The following CDYL2 variants were observed in gnomAD, a reference collection of about 807,000 sequenced individuals.
CDYL2 encodes chromodomain Y like 2, also known as chromodomain Y-like protein 2.
In CDYL2, 23 loss-of-function variants were observed where a neutral mutation model predicts 49.4. That is an observed-to-expected ratio of 0.47 (90% CI 0.34 to 0.66). The LOEUF (loss-of-function observed/expected upper bound fraction) is 0.66. Among genes scored for constraint, CDYL2 ranks in the 30% least tolerant of loss-of-function variants. The pLI is 0.01. For synonymous variants in CDYL2, 360 were observed against 268.8 expected, an observed-to-expected ratio of 1.34 and a Z score of -3.32; for missense variants, 678 against 656.4, an observed-to-expected ratio of 1.03 and a Z score of -0.36.
At chr16:80,678,214 G>A (rs1359691474) in intron 2 of CDYL2, among the ~76,000 whole-genome samples, 3 of 152,348 alleles carry the variant, frequency 2.0e-5, no homozygotes, top group Non-Finnish European at 2.9e-5. Context: ...AGGCCTTCAT[G>A]TCTAAAACAC....
intron 1 of CDYL2, among the ~76,000 whole-genome samples, chr16:80,786,064 A>G (rs8053366): frequency 0.024 from 3,608 of 152,310 alleles, 113 homozygotes; most frequent in African/African-American, 0.072. Flanking sequence ...CAAAGACTTC[A>G]TGTCTAAAAC....
intron 2 of CDYL2, among the ~76,000 whole-genome samples, chr16:80,671,475 T>G (rs923796385): frequency 1.4e-4 from 22 of 152,206 alleles, no homozygotes; most frequent in African/African-American, 4.8e-4. Flanking sequence ...CGCCCAAGTC[T>G]TTCCCTAAGC....
chr16:80,636,293 T>G (rs532701851), intron 2 of CDYL2, among the ~76,000 whole-genome samples: 1 of 152,186 alleles, frequency 6.6e-6, no homozygotes, highest in Admixed American at 6.5e-5. Context: ...GGGAGAAAAT[T>G]TTTGCTATCT....
chr16:80,625,446 T>C (rs1409669599), intron 3 of CDYL2, among the ~76,000 whole-genome samples: 1 of 152,240 alleles, frequency 6.6e-6, no homozygotes, highest in Admixed American at 6.5e-5. Context: ...CTCTCTATTT[T>C]AAGGTCAGCT....
intron 1 of CDYL2, among the ~76,000 whole-genome samples, chr16:80,770,355 A>G (rs1219166925): frequency 1.3e-5 from 2 of 152,206 alleles, no homozygotes; most frequent in Non-Finnish European, 2.9e-5. Flanking sequence ...ACCAGAAGGA[A>G]TTATTCATTT....
chr16:80,710,414 A>G (rs1904556018), intron 1 of CDYL2, among the ~76,000 whole-genome samples: 1 of 152,206 alleles, frequency 6.6e-6, no homozygotes. Flanking sequence ...ATTCGACAGA[A>G]TTTACTCTAA....
chr16:80,768,541 C>T (rs1331894867), intron 1 of CDYL2, among the ~76,000 whole-genome samples: 5 of 152,226 alleles, frequency 3.3e-5, no homozygotes, highest in Non-Finnish European at 4.4e-5. Flanking sequence ...AACAGTGCTT[C>T]TAGCTATGTC....
chr16:80,803,802 T>G (rs945232182), intron 1 of CDYL2, among the ~76,000 whole-genome samples: 83 of 140,966 alleles, frequency 5.9e-4, no homozygotes, highest in African/African-American at 2.0e-3. Context: ...TCGAGGCGGC[T>G]CGTCGGGCGA....
intron 1 of CDYL2, among the ~76,000 whole-genome samples, chr16:80,690,013 C>A (rs898204090): frequency 1.4e-4 from 21 of 151,716 alleles, no homozygotes; most frequent in Non-Finnish European, 1.5e-5. Flanking sequence ...CCCAGCTACT[C>A]CAGAGGCTGA....
At chr16:80,752,937 C>A (rs1045164501) in intron 1 of CDYL2, among the ~76,000 whole-genome samples, 1 of 152,062 alleles carries the variant, frequency 6.6e-6, no homozygotes, top group Non-Finnish European at 1.5e-5. Context: ...AGCTGAAATG[C>A]AAGAAAGGAT....
chr16:80,676,963 A>ATTTTTTT lies in CDYL2; in HGVS notation c.616+7568_616+7574dup, dbSNP rs35188796. On this transcript the variant is annotated intron_variant, in intron 2 of 6. Transcript: ENST00000570137. ...GACTTTTTAACAACCAATTCAATGT[A>ATTTTTTT]TTTTTTTTTTTTTTTTTTTTTTTTT... Among the ~76,000 whole-genome samples the ATTTTTTT allele has an allele frequency of 1.3e-4, 8 of 60,082 alleles. No individual in the cohort carries two copies. The East Asian group carries it at 1.4e-3, about 10-fold the overall frequency. 39.4% of individuals were successfully genotyped at this position (60,082 alleles called of 152,430 possible).
intron 2 of CDYL2, among the ~76,000 whole-genome samples, chr16:80,635,615 T>C (rs1907785036): frequency 6.6e-6 from 1 of 152,152 alleles, no homozygotes; most frequent in African/African-American, 2.4e-5. Context: ...GAAGAATCAA[T>C]ATCGTAAAAA....
At chr16:80,622,943 T>C (rs1363543207) in intron 3 of CDYL2, among the ~76,000 whole-genome samples, 3 of 152,068 alleles carry the variant, frequency 2.0e-5, no homozygotes, top group Non-Finnish European at 4.4e-5. Context: ...GAGGTGGGCA[T>C]TATTATTAGC....
intron 1 of CDYL2, among the ~76,000 whole-genome samples, chr16:80,718,421 A>G (rs1267267534): frequency 2.0e-5 from 3 of 152,172 alleles, no homozygotes; most frequent in Non-Finnish European, 4.4e-5. Context: ...TAGGACTATC[A>G]TACCTAATTT....
intron 1 of CDYL2, among the ~76,000 whole-genome samples, chr16:80,771,762 G>A (rs992042751): frequency 2.6e-5 from 4 of 152,004 alleles, no homozygotes; most frequent in Non-Finnish European, 4.4e-5. Context: ...AAACTGCAGA[G>A]CAGATTTCTA....
At chr16:80,776,411 C>A (rs969163349) in intron 1 of CDYL2, among the ~76,000 whole-genome samples, 1 of 151,856 alleles carries the variant, frequency 6.6e-6, no homozygotes, top group African/African-American at 2.4e-5. Flanking sequence ...ATCTTTGGCA[C>A]GGATATACTA....
chr16:80,605,664 GTAA>G (rs1326558006), intron 6 of CDYL2, among the ~76,000 whole-genome samples: 4 of 151,544 alleles, frequency 2.6e-5, no homozygotes, highest in South Asian at 2.1e-4. Context: ...AGTAACAATA[GTAA>G]TAATCATAGT....
At chr16:80,785,636 A>G (rs2142409577) in intron 1 of CDYL2, among the ~76,000 whole-genome samples, 1 of 152,296 alleles carries the variant, frequency 6.6e-6, no homozygotes, top group East Asian at 1.9e-4. Flanking sequence ...TAGAACCAAA[A>G]AAGAGCCCGC....
chr16:80,659,437 A>G (rs998344401), intron 2 of CDYL2, among the ~76,000 whole-genome samples: 1 of 152,210 alleles, frequency 6.6e-6, no homozygotes, highest in African/African-American at 2.4e-5. Flanking sequence ...GTATTGCATC[A>G]ACGCAAAATT....
Sources: gnomAD v4.1 joint callset for allele counts (sites outside exome capture counted in the v4.1 genomes callset) on GRCh38, gnomAD v4.1.1 for gene constraint, MANE v1.5 for transcripts, NCBI Gene and HGNC (gene_info 2026-07-23, HGNC 2026-07-21) for gene names.